The following CARMIL1 variants were observed in gnomAD, a reference collection of about 807,000 sequenced individuals.
The protein encoded by CARMIL1 is capping protein regulator and myosin 1 linker 1, also known as F-actin-uncapping protein LRRC16A.
CARMIL1 carries 90 observed loss-of-function variants against 177.1 expected under a neutral mutation model. The observed-to-expected ratio is 0.51, with a 90% confidence interval of 0.43 to 0.61. The LOEUF (loss-of-function observed/expected upper bound fraction) is 0.61, where lower values mean the gene tolerates loss of function less well. Ranked by LOEUF, CARMIL1 falls within the 20% of genes least tolerant of loss-of-function variation. The pLI is 0.00. For missense variants in CARMIL1, 1,380 were observed against 1,667.0 expected (o/e 0.83, Z 3.00); for synonymous variants, 577 against 606.2 (o/e 0.95, Z 0.71).
chr6:25,446,483 C>G (rs1395470660), intron 5 of CARMIL1, among the ~76,000 whole-genome samples: 1 of 152,158 alleles, frequency 6.6e-6, no homozygotes, highest in Non-Finnish European at 1.5e-5. Flanking sequence ...AGCTTCCTCC[C>G]CTCTCTCAGC....
At chr6:25,419,130 G>A (rs58124843) in intron 2 of CARMIL1, among the ~76,000 whole-genome samples, 57,556 of 151,998 alleles carry the variant, frequency 0.38, 11,019 homozygotes, top group Middle Eastern at 0.43. Flanking sequence ...TTGACTTTGG[G>A]TAAGTCCTTT....
chr6:25,296,922 T>TA (rs1214379656), intron 2 of CARMIL1, among the ~76,000 whole-genome samples: 11 of 36,462 alleles, frequency 3.0e-4, no homozygotes, highest in African/African-American at 1.8e-3. Context: ...TCTATCTATC[T>TA]ATCTATCTAT....
rs1433805984 is a variant in CARMIL1, at chr6:25,515,724, C to T, written c.1682C>T (p.Thr561Ile). Reference protein sequence around the residue: ...LADSKLKTEVTIIINALGSNT... With the variant: ...LADSKLKTEVIIIINALGSNT... ...GACTCGAAACTCAAGACTGAGGTCA[C>T]CATCATCATCAATGCCCTGGGAAGC... is the stretch of plus-strand genomic sequence containing the variant. Residue 561 changes from threonine (T) to isoleucine (I), a missense_variant, in exon 21 of 37, where the codon ACC becomes ATC. Coordinates refer to ENST00000329474, the MANE Select transcript of CARMIL1 (RefSeq NM_017640.6). The surrounding 1 kb of genome is among the most constrained non-coding windows in gnomAD (Gnocchi z 5.0). 4 of 1,609,818 alleles carry T rather than the reference C, an allele frequency of 2.5e-6. No homozygotes were observed. Among genetic ancestry groups the T allele is most frequent in the Non-Finnish European group, 8.5e-7 (1 of 1,178,370 alleles).
chr6:25,284,975 G>C (rs1461090250), intron 2 of CARMIL1, 66 bp downstream of exon 2: 1 of 1,001,992 alleles, frequency 1.0e-6, no homozygotes, highest in Admixed American at 2.2e-5. Flanking sequence ...TGTTTAGATT[G>C]CTTAATTTTC....
chr6:25,343,985 G>A (rs980681844), intron 2 of CARMIL1, among the ~76,000 whole-genome samples: 2 of 152,044 alleles, frequency 1.3e-5, no homozygotes, highest in African/African-American at 4.8e-5. Flanking sequence ...CTTGTCACTA[G>A]TCCTCTGCTC....
In CARMIL1 at chr6:25,560,619, A is replaced by G. The variant is rs527550858; in HGVS notation, c.2742+3769A>G. On this transcript the variant is annotated intron_variant, in intron 29 of 36. Transcript: ENST00000329474. Reference sequence around the variant, plus strand: ...AAATGAGGAAACTGAGGGAGAGAAAAGTAAAGTAAGTAACCCAAGGTTAAC... The same window carrying G: ...AAATGAGGAAACTGAGGGAGAGAAAGGTAAAGTAAGTAACCCAAGGTTAAC... Among the ~76,000 whole-genome samples, 46 of 152,326 alleles carry G rather than the reference A, an allele frequency of 3.0e-4. No homozygotes were observed. The South Asian group carries it at 9.1e-3, about 30-fold the overall frequency.
intron 2 of CARMIL1, among the ~76,000 whole-genome samples, chr6:25,331,598 T>C (rs935575681): frequency 2.0e-5 from 3 of 152,306 alleles, no homozygotes; most frequent in Non-Finnish European, 4.4e-5. Flanking sequence ...AGCTAATCCA[T>C]GGGAGTGGGA....
chr6:25,443,482 A>G, intron 5 of CARMIL1, among the ~76,000 whole-genome samples: 1 of 152,240 alleles, frequency 6.6e-6, no homozygotes, highest in South Asian at 2.1e-4. Context: ...GAAGAAATTA[A>G]TGACATCTGA....
chr6:25,441,899 T>C (rs1295014452), intron 5 of CARMIL1, among the ~76,000 whole-genome samples: 1 of 152,046 alleles, frequency 6.6e-6, no homozygotes, highest in African/African-American at 2.4e-5. Context: ...GCTAGATTTT[T>C]TTTTTTTAGT....
At chr6:25,319,740 A>G (rs1377521621) in intron 2 of CARMIL1, among the ~76,000 whole-genome samples, 1 of 151,126 alleles carries the variant, frequency 6.6e-6, no homozygotes, top group African/African-American at 2.4e-5. Context: ...GATTTGAGAA[A>G]TACTGAATCT....
chr6:25,441,320 C>CATATATATATATATATATAT (rs199573016), intron 5 of CARMIL1, among the ~76,000 whole-genome samples: 9 of 99,668 alleles, frequency 9.0e-5, no homozygotes, highest in African/African-American at 2.4e-4. Flanking sequence ...AACAAACAAA[C>CATATATATATATATATATAT]ATATATATAT....
At chr6:25,504,824 G>A (rs1582176348) in intron 17 of CARMIL1, among the ~76,000 whole-genome samples, 1 of 152,258 alleles carries the variant, frequency 6.6e-6, no homozygotes, top group East Asian at 1.9e-4. Context: ...GAATCAAAAG[G>A]CCCCCTTTGA....
chr6:25,609,825 C>A (rs1270148963), intron 35 of CARMIL1, among the ~76,000 whole-genome samples: 3 of 152,182 alleles, frequency 2.0e-5, no homozygotes, highest in African/African-American at 7.2e-5. Flanking sequence ...AGGATAGATT[C>A]ATATTTGTGC....
chr6:25,287,690 C>T (rs1282759811), intron 2 of CARMIL1, among the ~76,000 whole-genome samples: 1 of 152,178 alleles, frequency 6.6e-6, no homozygotes, highest in African/African-American at 2.4e-5. Context: ...TGAGATTTGG[C>T]GAGGCCAAAG....
At chr6:25,609,144 G>T (rs565375714) in intron 35 of CARMIL1, among the ~76,000 whole-genome samples, 1 of 152,226 alleles carries the variant, frequency 6.6e-6, no homozygotes, top group East Asian at 1.9e-4. Context: ...CTTTCAATTA[G>T]GGTGAAACAG....
intron 23 of CARMIL1, among the ~76,000 whole-genome samples, chr6:25,522,537 T>G (rs1806678106): frequency 6.6e-6 from 1 of 152,226 alleles, no homozygotes; most frequent in African/African-American, 2.4e-5. Flanking sequence ...ACATCCTTTT[T>G]CTTTCCTGAC....
At chr6:25,345,218 C>T (rs1053623144) in intron 2 of CARMIL1, among the ~76,000 whole-genome samples, 1 of 152,168 alleles carries the variant, frequency 6.6e-6, no homozygotes, top group African/African-American at 2.4e-5. Flanking sequence ...TAAGTCCCCT[C>T]CATGAAATAC....
At chr6:25,422,450 A>T (rs73393809) in intron 3 of CARMIL1, among the ~76,000 whole-genome samples, 1,972 of 152,140 alleles carry the variant, frequency 0.013, 47 homozygotes, top group African/African-American at 0.045. Flanking sequence ...TAGGCTTAGG[A>T]TATCTGTGGC....
chr6:25,513,284 T>C (rs1038968914), intron 20 of CARMIL1, among the ~76,000 whole-genome samples: 18 of 152,226 alleles, frequency 1.2e-4, no homozygotes, highest in African/African-American at 4.3e-4. Flanking sequence ...GAGCCTGAAG[T>C]GTTTTTAGTT....
Sources: gnomAD v4.1 joint callset for allele counts (sites outside exome capture counted in the v4.1 genomes callset) on GRCh38, gnomAD v4.1.1 for gene constraint, Gnocchi (gnomAD v3.1) non-coding constraint, MANE v1.5 for transcripts, NCBI Gene and HGNC (gene_info 2026-07-23, HGNC 2026-07-21) for gene names.